HPSE2: variants seen among roughly 807,000 people sequenced by gnomAD.
The protein encoded by HPSE2 is inactive heparanase-2.
A neutral mutation model predicts 60.5 loss-of-function variants in HPSE2; 38 were observed. That is an observed-to-expected ratio of 0.63 (90% CI 0.48 to 0.82). The LOEUF is 0.82. HPSE2 is among the 40% of genes least tolerant of loss of function. The pLI, the probability that HPSE2 is intolerant of heterozygous loss-of-function variation, is 0.00. For synonymous variants in HPSE2, 295 were observed against 293.2 expected (o/e 1.01, Z -0.06); for missense variants, 713 against 740.4 (o/e 0.96, Z 0.43).
intron 3 of HPSE2, among the ~76,000 whole-genome samples, chr10:98,868,847 A>C (rs1346542689): frequency 1.3e-5 from 2 of 152,100 alleles, no homozygotes; most frequent in African/African-American, 2.4e-5. Context: ...TCTCTCTTTG[A>C]CTAATGTTTA....
At chr10:99,230,349 T>C (rs1254219957) in intron 2 of HPSE2, among the ~76,000 whole-genome samples, 1 of 152,086 alleles carries the variant, frequency 6.6e-6, no homozygotes, top group Admixed American at 6.5e-5. Flanking sequence ...AGGAGAAATT[T>C]CCCAGCAAAA....
chr10:98,474,817 C>T (rs758911950), intron 11 of HPSE2, among the ~76,000 whole-genome samples: 8 of 152,072 alleles, frequency 5.3e-5, no homozygotes, highest in Non-Finnish European at 1.2e-4. Flanking sequence ...CTATTTATGG[C>T]ACCACCCACA....
rs1175369366 is a variant in HPSE2, at chr10:98,651,048, T to C, written c.1005-9108A>G. Reference sequence around the variant, plus strand: ...CCAACACCCTGTATATTTTAGTTCCTGTACCTAACTTTTACAGTCAGCAAA... The same window carrying C: ...CCAACACCCTGTATATTTTAGTTCCCGTACCTAACTTTTACAGTCAGCAAA... On this transcript the variant is annotated intron_variant, in intron 6 of 11. Transcript: ENST00000370552. 2.0e-5 allele frequency among the ~76,000 whole-genome samples: 3 copies of C among 152,242 alleles called. No homozygotes were observed. In the East Asian group the frequency reaches 5.8e-4, roughly 29 times the overall value.
intron 3 of HPSE2, among the ~76,000 whole-genome samples, chr10:98,844,728 T>C (rs1160041471): frequency 6.6e-6 from 1 of 152,236 alleles, no homozygotes; most frequent in Non-Finnish European, 1.5e-5. Flanking sequence ...AACTATGTTC[T>C]AGGCATTATG....
intron 3 of HPSE2, among the ~76,000 whole-genome samples, chr10:98,867,695 A>T (rs540866882): frequency 6.6e-6 from 1 of 152,328 alleles, no homozygotes; most frequent in Middle Eastern, 3.4e-3. Flanking sequence ...CTGCACTCCC[A>T]TTTTTGTTGC....
intron 3 of HPSE2, among the ~76,000 whole-genome samples, chr10:98,829,505 A>G (rs1320207177): frequency 6.6e-6 from 1 of 151,960 alleles, no homozygotes; most frequent in Non-Finnish European, 1.5e-5. Flanking sequence ...TGGGCGACAC[A>G]GTGAGACTCC....
chr10:99,056,517 CAAT>C (rs1286232043), intron 3 of HPSE2, among the ~76,000 whole-genome samples: 1 of 152,028 alleles, frequency 6.6e-6, no homozygotes, highest in Non-Finnish European at 1.5e-5. Context: ...GGTTATAAAC[CAAT>C]AGCCCAAATC....
intron 10 of HPSE2, among the ~76,000 whole-genome samples, chr10:98,483,779 G>A (rs1941337492): frequency 6.6e-6 from 1 of 152,174 alleles, no homozygotes; most frequent in African/African-American, 2.4e-5. Context: ...GATGATGTGG[G>A]CAGAGGTACA....
At chr10:98,817,179 C>A (rs1951311226) in intron 3 of HPSE2, among the ~76,000 whole-genome samples, 1 of 152,014 alleles carries the variant, frequency 6.6e-6, no homozygotes, top group Non-Finnish European at 1.5e-5. Flanking sequence ...GTTAGTTTTC[C>A]TATTATTTGG....
At chr10:98,508,605 G>A (rs1036337797) in intron 9 of HPSE2, among the ~76,000 whole-genome samples, 12 of 152,194 alleles carry the variant, frequency 7.9e-5, no homozygotes, top group Non-Finnish European at 1.8e-4. Context: ...CTAATGGTAA[G>A]AAGAAGTAGG....
intron 2 of HPSE2, among the ~76,000 whole-genome samples, chr10:99,181,887 AAAG>A (rs1205624777): frequency 6.6e-6 from 1 of 152,298 alleles, no homozygotes; most frequent in East Asian, 1.9e-4. Flanking sequence ...TTTAAAAAAA[AAAG>A]AAGAGGGAGA....
intron 2 of HPSE2, among the ~76,000 whole-genome samples, chr10:99,228,504 C>A (rs1849544778): frequency 1.3e-5 from 2 of 151,960 alleles, no homozygotes; most frequent in African/African-American, 2.4e-5. Context: ...GAGGGGAAGA[C>A]TGGAAAAAAA....
intron 3 of HPSE2, among the ~76,000 whole-genome samples, chr10:99,136,684 TCAA>T (rs1025605228): frequency 3.3e-5 from 5 of 152,086 alleles, no homozygotes; most frequent in African/African-American, 1.2e-4. Flanking sequence ...TTGACAAAAT[TCAA>T]CACCCCTTCA....
At chr10:98,940,904 C>A in intron 3 of HPSE2, among the ~76,000 whole-genome samples, 1 of 130,752 alleles carries the variant, frequency 7.6e-6, no homozygotes, top group African/African-American at 3.4e-5. Context: ...TGGGCTTCAT[C>A]CCTGGGATGC....
intron 6 of HPSE2, among the ~76,000 whole-genome samples, chr10:98,683,022 G>C (rs765559794): frequency 3.3e-5 from 5 of 152,196 alleles, no homozygotes; most frequent in Non-Finnish European, 7.3e-5. Flanking sequence ...TCAGATGTCA[G>C]TATGCTAGAA....
chr10:98,907,967 T>C (rs1953870313), intron 3 of HPSE2, among the ~76,000 whole-genome samples: 1 of 152,156 alleles, frequency 6.6e-6, no homozygotes, highest in African/African-American at 2.4e-5. Context: ...ATTTTGTGAA[T>C]AAAAAGTTAC....
At chr10:99,202,738 C>T (rs1393658498) in intron 2 of HPSE2, among the ~76,000 whole-genome samples, 1 of 152,136 alleles carries the variant, frequency 6.6e-6, no homozygotes, top group Non-Finnish European at 1.5e-5. Flanking sequence ...CTCATCACCC[C>T]TATAGACACA....
intron 6 of HPSE2, among the ~76,000 whole-genome samples, chr10:98,646,618 A>G (rs1252715852): frequency 6.6e-6 from 1 of 152,200 alleles, no homozygotes; most frequent in East Asian, 1.9e-4. Flanking sequence ...TTGGCAGGTC[A>G]TATCAAGCAT....
At chr10:99,218,674 G>T (rs759925663) in intron 2 of HPSE2, among the ~76,000 whole-genome samples, 7 of 152,196 alleles carry the variant, frequency 4.6e-5, no homozygotes, top group Non-Finnish European at 8.8e-5. Context: ...GCTGCAAGTT[G>T]TTGAAAATCC....
Sources: gnomAD v4.1 joint callset for allele counts (sites outside exome capture counted in the v4.1 genomes callset) on GRCh38, gnomAD v4.1.1 for gene constraint, MANE v1.5 for transcripts, NCBI Gene and HGNC (gene_info 2026-07-23, HGNC 2026-07-21) for gene names.